The following APLF variants were observed in gnomAD, a reference collection of about 807,000 sequenced individuals.
APLF encodes the protein aprataxin and PNKP like factor, also known as aprataxin and PNK-like factor.
APLF carries 61 observed loss-of-function variants against 55.6 expected under a neutral mutation model. The observed-to-expected ratio is 1.10, with a 90% CI of 0.89 to 1.36. The LOEUF is 1.36. Ranked by LOEUF, APLF falls within the 40% of genes most tolerant of loss-of-function variation. The pLI is 0.00. For synonymous variants in APLF, 207 were observed against 214.8 expected (o/e 0.96, Z 0.32); for missense variants, 611 against 602.5 (o/e 1.01, Z -0.15).
intron 1 of APLF, among the ~76,000 whole-genome samples, chr2:68,489,811 A>C (rs1157538532): frequency 6.6e-6 from 1 of 152,172 alleles, no homozygotes; most frequent in East Asian, 1.9e-4. Flanking sequence ...ATGACATACT[A>C]TATGTTTCTT....
chr2:68,482,218 C>T (rs1415507198), intron 1 of APLF, among the ~76,000 whole-genome samples: 2 of 151,508 alleles, frequency 1.3e-5, no homozygotes, highest in Non-Finnish European at 2.9e-5. Context: ...GTTGCCTCTT[C>T]TAATTTTATG....
rs148592241 is a variant in APLF, at chr2:68,578,074, A to C, written c.*52A>C. 276 of 1,564,394 alleles carry C rather than the reference A, an allele frequency of 1.8e-4. 1 individual carries two copies. In the East Asian group the frequency reaches 6.4e-3, roughly 36 times the overall value. ...CTTACATTTACTTTTTCTTTGTGGG[A>C]AAACATTTATGAACTAAGGAGGTAC... is the stretch of plus-strand genomic sequence containing the variant. On this transcript the variant is annotated 3_prime_UTR_variant, in exon 10 of 10. Transcript: ENST00000303795.
At chr2:68,555,558 A>G (rs1670981828) in intron 8 of APLF, among the ~76,000 whole-genome samples, 1 of 152,204 alleles carries the variant, frequency 6.6e-6, no homozygotes, top group African/African-American at 2.4e-5. Flanking sequence ...CATATGAAAA[A>G]ATGCTCAATA....
intron 5 of APLF, 148 bp from the exon 6 acceptor site, chr2:68,525,913 C>A: frequency 1.4e-6 from 1 of 696,622 alleles, no homozygotes. Context: ...CCACACCTGC[C>A]TATCTTTTGT....
chr2:68,533,859 G>C (rs549019015), intron 6 of APLF, among the ~76,000 whole-genome samples: 6 of 152,156 alleles, frequency 3.9e-5, no homozygotes, highest in Non-Finnish European at 7.3e-5. Context: ...GGTCTCATAG[G>C]GTGAAGACAG....
intron 1 of APLF, among the ~76,000 whole-genome samples, chr2:68,476,546 C>T (rs1027802999): frequency 2.0e-5 from 3 of 150,916 alleles, no homozygotes; most frequent in Admixed American, 6.6e-5. Flanking sequence ...ATAAGCACTT[C>T]GAAGTCAATT....
At chr2:68,519,809 T>C (rs567743176) in intron 5 of APLF, among the ~76,000 whole-genome samples, 8 of 151,754 alleles carry the variant, frequency 5.3e-5, no homozygotes, top group Non-Finnish European at 8.8e-5. Context: ...ATGTAATGAC[T>C]TCTTTTCTTC....
At chr2:68,517,102 C>A (rs1356909627) in intron 5 of APLF, among the ~76,000 whole-genome samples, 1 of 120,898 alleles carries the variant, frequency 8.3e-6, no homozygotes, top group Admixed American at 9.5e-5. Flanking sequence ...ATATAATATA[C>A]TAATATATAA....
intron 2 of APLF, among the ~76,000 whole-genome samples, chr2:68,492,547 G>T (rs1676405073): frequency 6.6e-6 from 1 of 152,174 alleles, no homozygotes; most frequent in South Asian, 2.1e-4. Flanking sequence ...GATTTTATTA[G>T]TTGAAAATCT....
chr2:68,474,615 A>G (rs895975482), intron 1 of APLF, among the ~76,000 whole-genome samples: 1 of 152,206 alleles, frequency 6.6e-6, no homozygotes, highest in Admixed American at 6.5e-5. Context: ...ACATGTCTTC[A>G]TACTTTTGTA....
intron 9 of APLF, among the ~76,000 whole-genome samples, chr2:68,574,622 A>AG (rs1372194101): frequency 6.6e-6 from 1 of 152,250 alleles, no homozygotes; most frequent in Non-Finnish European, 1.5e-5. Flanking sequence ...TCCTGTAAGA[A>AG]GAACATGAAT....
intron 2 of APLF, among the ~76,000 whole-genome samples, chr2:68,490,717 T>G (rs78038253): frequency 0.018 from 2,759 of 152,322 alleles, 34 homozygotes; most frequent in Non-Finnish European, 0.03. Context: ...GATTTTAATT[T>G]GAAAGTTTTT....
chr2:68,475,203 T>A (rs915376309), intron 1 of APLF, among the ~76,000 whole-genome samples: 1 of 152,260 alleles, frequency 6.6e-6, no homozygotes, highest in Non-Finnish European at 1.5e-5. Context: ...TTACTTACTA[T>A]GTTGCCTCTG....
At position 68,578,300 on chromosome 2, in the gene APLF, A is replaced by G. The variant is rs111681413; in HGVS notation, c.*278A>G. 3.0e-5 allele frequency: 33 copies of G among 1,110,462 alleles called. 1 individual carries two copies. The African/African-American group carries it at 3.3e-4, about 11-fold the overall frequency. 68.8% of individuals were successfully genotyped at this position (1,110,462 alleles called of 1,614,324 possible). On this transcript the variant is annotated 3_prime_UTR_variant, in exon 10 of 10. Transcript: ENST00000303795. ...AATGGATATTTTTTATGTACTTTGT[A>G]TATTGGTAATAAAAAGTAAAAGCCA... is the stretch of plus-strand genomic sequence containing the variant.
chr2:68,519,365 A>T (rs1328772390), intron 5 of APLF, among the ~76,000 whole-genome samples: 1 of 148,032 alleles, frequency 6.8e-6, no homozygotes, highest in African/African-American at 2.5e-5. Flanking sequence ...TTTAAGTGGT[A>T]CATCTACCAA....
At chr2:68,488,004 G>A (rs949030531) in intron 1 of APLF, among the ~76,000 whole-genome samples, 5 of 148,782 alleles carry the variant, frequency 3.4e-5, no homozygotes, top group African/African-American at 7.9e-5. Flanking sequence ...TTTTATCTTC[G>A]TAGTGTCAGT....
At chr2:68,566,076 C>G (rs993714267) in intron 8 of APLF, among the ~76,000 whole-genome samples, 31 of 152,000 alleles carry the variant, frequency 2.0e-4, no homozygotes, top group Non-Finnish European at 3.1e-4. Context: ...TAGAGATCCA[C>G]TTCCTGAGAC....
intron 1 of APLF, 98 bp downstream of exon 1, chr2:68,467,925 C>A: frequency 1.1e-6 from 1 of 929,980 alleles, no homozygotes; most frequent in Non-Finnish European, 1.4e-6. Flanking sequence ...CCCCACCGCA[C>A]TGGTCCGCCG....
intron 6 of APLF, among the ~76,000 whole-genome samples, chr2:68,535,932 A>G (rs1670373026): frequency 6.6e-6 from 1 of 152,182 alleles, no homozygotes; most frequent in African/African-American, 2.4e-5. Context: ...TTACTTGTGG[A>G]GCTTGGAAAT....
Sources: allele counts gnomAD v4.1 joint callset (sites outside exome capture counted in the v4.1 genomes callset), GRCh38; gene constraint gnomAD v4.1.1; transcripts MANE v1.5; gene names NCBI Gene and HGNC (gene_info 2026-07-23, HGNC 2026-07-21).